EBF4: variants seen among roughly 807,000 people sequenced by gnomAD.
EBF4 encodes EBF transcription factor 4.
Under a neutral mutation model 67.1 loss-of-function variants are expected in EBF4, and 34 were observed. The observed-to-expected ratio is 0.51, with a 90% confidence interval of 0.39 to 0.67. The LOEUF (loss-of-function observed/expected upper bound fraction) is 0.67, where lower values mean the gene tolerates loss of function less well. Ranked by LOEUF, EBF4 falls within the 30% of genes least tolerant of loss-of-function variation. EBF4 has a pLI of 0.00. For missense variants in EBF4, 837 were observed against 873.3 expected, an observed-to-expected ratio of 0.96 and a Z score of 0.52; for synonymous variants, 387 against 377.7, an observed-to-expected ratio of 1.02 and a Z score of -0.29.
rs1568564144 is a variant in EBF4, at chr20:2,696,996, C to T, written c.137+3214C>T. On this transcript the variant is annotated intron_variant, in intron 1 of 16. Transcript: ENST00000609451. The surrounding 1 kb of genome is among the most constrained non-coding windows in gnomAD (Gnocchi z 4.7). ...GGGGATGGGGGTGATGACTGTCTGC[C>T]GGAGGAAGCAGTAATGTTTCTCAGA... 6.6e-6 allele frequency among the ~76,000 whole-genome samples: 1 copy of T among 152,120 alleles called. No individual in the cohort carries two copies.
chr20:2,714,572 G>A (rs1180728788), intron 6 of EBF4, among the ~76,000 whole-genome samples: 1 of 152,132 alleles, frequency 6.6e-6, no homozygotes, highest in African/African-American at 2.4e-5. Flanking sequence ...GGCTGGTCTC[G>A]AGCTCCTGGG....
chr20:2,748,477 C>A, intron 6 of EBF4, 72 bp from the exon 7 acceptor site: 2 of 1,416,422 alleles, frequency 1.4e-6, no homozygotes, highest in Non-Finnish European at 9.7e-7. Flanking sequence ...GGGGGCATGG[C>A]AGGGAGCAGT....
intron 6 of EBF4, among the ~76,000 whole-genome samples, chr20:2,717,339 G>A (rs1316086722): frequency 6.6e-6 from 1 of 152,084 alleles, no homozygotes; most frequent in Non-Finnish European, 1.5e-5. Context: ...ATATAGGGAT[G>A]GGGAATAAAT....
chr20:2,700,309 C>T (rs2146369610), intron 1 of EBF4, among the ~76,000 whole-genome samples: 1 of 152,248 alleles, frequency 6.6e-6, no homozygotes, highest in South Asian at 2.1e-4. Context: ...ATCCTTGTCC[C>T]CAGGTCTGCT....
chr20:2,716,475 G>A (rs542369488), intron 6 of EBF4, among the ~76,000 whole-genome samples: 7 of 150,838 alleles, frequency 4.6e-5, no homozygotes, highest in East Asian at 2.0e-4. Flanking sequence ...GTTGTGGTGA[G>A]CCGAGATCGT....
At chr20:2,709,493 G>A (rs2087509359) in intron 5 of EBF4, 81 bp from the exon 6 acceptor site, 7 of 1,354,852 alleles carry the variant, frequency 5.2e-6, no homozygotes, top group Non-Finnish European at 4.0e-6. Context: ...TCAGCTCAGG[G>A]CGCCCCCCAC....
rs1191681281 is a variant in EBF4 at position 2,707,124 on chromosome 20, C to T, written c.415-823C>T. Among the ~76,000 whole-genome samples the T allele has an allele frequency of 6.6e-6, 1 of 152,158 alleles. No individual in the cohort carries two copies. Among genetic ancestry groups the T allele is most frequent in the Non-Finnish European group, 1.5e-5 (1 of 68,024 alleles). ...TACATAGGCAGGGTCTTTTGGCAGC[C>T]TCCACCCAATCCCAGGGCAGAGGGA... On this transcript the variant is annotated intron_variant, in intron 4 of 16. Transcript: ENST00000609451. This position sits in a 1 kb window ranked among gnomAD's most constrained non-coding sequence, Gnocchi z 4.6.
Position 2,693,786 on chromosome 20 carries a change from A to G in EBF4, c.137+4A>G. ...ACGCCAGCACCGCGGCGCAGAGGTA[A>G]GCGCTCGGACCGGACCCGGTGCGCT... is the stretch of plus-strand genomic sequence containing the variant. On this transcript the variant is annotated splice_donor_region_variant and intron_variant, in intron 1 of 16. Coordinates refer to ENST00000609451, the Ensembl canonical transcript of EBF4. The surrounding 1 kb of genome is among the most constrained non-coding windows in gnomAD (Gnocchi z 4.6). 1 of 1,313,282 alleles carries G rather than the reference A, an allele frequency of 7.6e-7. No individual in the cohort carries two copies. Among genetic ancestry groups the G allele is most frequent in the Non-Finnish European group, 9.7e-7 (1 of 1,031,570 alleles). The allele number at this position is 1,313,282 out of a possible 1,614,324, so 81.4% of individuals were successfully genotyped here. A position where few individuals can be genotyped will look rare whatever the true frequency, so the allele number is the denominator to read the frequency against.
chr20:2,737,495 T>G (rs570458672), intron 6 of EBF4, among the ~76,000 whole-genome samples: 34 of 152,152 alleles, frequency 2.2e-4, no homozygotes, highest in Non-Finnish European at 4.9e-4. Context: ...TTCCCTAATG[T>G]GTAAAATAGA....
At chr20:2,731,923 C>T (rs2087819010) in intron 6 of EBF4, among the ~76,000 whole-genome samples, 1 of 152,154 alleles carries the variant, frequency 6.6e-6, no homozygotes, top group South Asian at 2.1e-4. Flanking sequence ...TGCAGAGCTT[C>T]AACACACAGA....
chr20:2,754,202 C>T (rs971339788), intron 14 of EBF4, among the ~76,000 whole-genome samples: 2 of 152,326 alleles, frequency 1.3e-5, no homozygotes, highest in African/African-American at 4.8e-5. Context: ...TACCCTTCCA[C>T]TCCCCACGTT....
chr20:2,743,727 G>A (rs1354460685), intron 6 of EBF4, among the ~76,000 whole-genome samples: 1 of 152,104 alleles, frequency 6.6e-6, no homozygotes, highest in Admixed American at 6.6e-5. Flanking sequence ...CATCTTTAGG[G>A]CTAATTTCTC....
chr20:2,723,382 G>A (rs2087707391), intron 6 of EBF4, among the ~76,000 whole-genome samples: 1 of 151,630 alleles, frequency 6.6e-6, no homozygotes, highest in Non-Finnish European at 1.5e-5. Flanking sequence ...ACGGAGTCTC[G>A]CTCTGTCGCC....
rs2087936121 is a variant in EBF4 at position 2,739,346 on chromosome 20, A to G, written c.558-9203A>G. On this transcript the variant is annotated intron_variant, in intron 6 of 16. Coordinates refer to ENST00000609451, the Ensembl canonical transcript of EBF4. The surrounding 1 kb of genome is among the most constrained non-coding windows in gnomAD (Gnocchi z 4.5). ...TGGAGCTGTTAGTCCCTTTGCATGG[A>G]GGGCCCTGCCTCCTACTTCTCGGTG... 6.6e-6 allele frequency among the ~76,000 whole-genome samples: 1 copy of G among 150,602 alleles called. No homozygotes were observed. Among genetic ancestry groups the G allele is most frequent in the Admixed American group, 6.6e-5 (1 of 15,046 alleles).
intron 6 of EBF4, among the ~76,000 whole-genome samples, chr20:2,740,804 G>A (rs2087955931): frequency 6.6e-6 from 1 of 152,168 alleles, no homozygotes; most frequent in African/African-American, 2.4e-5. Context: ...GCAGAGGTCT[G>A]GAGTGTGAAT....
Position 2,729,605 on chromosome 20 carries a change from C to T in EBF4, c.558-18944C>T, listed in dbSNP as rs140872397. 2.1e-3 allele frequency among the ~76,000 whole-genome samples: 327 copies of T among 152,204 alleles called. 2 individuals carry two copies. Among genetic ancestry groups the T allele is most frequent in the African/African-American group, 7.1e-3 (296 of 41,512 alleles). On this transcript the variant is annotated intron_variant, in intron 6 of 16. Transcript: ENST00000609451. ...TACAGCATCTTGAGAGCTCCACCTA[C>T]CACAGTTCCTATTTTTCACCCTAGA...
chr20:2,749,595 A>G (rs2088106586), intron 8 of EBF4, 25 bp from the exon 9 acceptor site: 4 of 1,550,334 alleles, frequency 2.6e-6, no homozygotes, highest in Non-Finnish European at 3.5e-6. Context: ...CGGTCCCCTG[A>G]CCTGGGTCCT....
intron 6 of EBF4, among the ~76,000 whole-genome samples, chr20:2,713,588 C>A (rs553888359): frequency 1.3e-5 from 2 of 152,252 alleles, no homozygotes; most frequent in South Asian, 2.1e-4. Flanking sequence ...TGCACAGGTG[C>A]AGGTGCAGAA....
In EBF4 at chr20:2,707,106, G is replaced by T. The variant is rs2087469266; in HGVS notation, c.415-841G>T. Among the ~76,000 whole-genome samples the T allele has an allele frequency of 6.6e-6, 1 of 152,166 alleles. No homozygotes were observed. Among genetic ancestry groups the T allele is most frequent in the Non-Finnish European group, 1.5e-5 (1 of 68,028 alleles). On this transcript the variant is annotated intron_variant, in intron 4 of 16. Transcript: ENST00000609451. This position sits in a 1 kb window ranked among gnomAD's most constrained non-coding sequence, Gnocchi z 4.6. ...CTGGAGATCTGGGCTTCCTACATAG[G>T]CAGGGTCTTTTGGCAGCCTCCACCC...
Sources: gnomAD v4.1 joint callset for allele counts (sites outside exome capture counted in the v4.1 genomes callset) on GRCh38, gnomAD v4.1.1 for gene constraint, Gnocchi (gnomAD v3.1) non-coding constraint, MANE v1.5 for transcripts, NCBI Gene and HGNC (gene_info 2026-07-23, HGNC 2026-07-21) for gene names.